Variants in BRINP1 observed in about 807,000 individuals in gnomAD.
BRINP1 encodes the protein BMP/retinoic acid-inducible neural-specific protein 1.
BRINP1 carries 17 observed loss-of-function variants against 72.9 expected under a neutral mutation model. The observed-to-expected ratio is 0.23, with a 90% CI of 0.16 to 0.35. The LOEUF (loss-of-function observed/expected upper bound fraction) is 0.35, where lower values mean the gene tolerates loss of function less well. Among genes scored for constraint, BRINP1 ranks in the 10% least tolerant of loss-of-function variants. The pLI, the probability that BRINP1 is intolerant of heterozygous loss-of-function variation, is 1.00. For missense variants in BRINP1, 850 were observed against 1,001.6 expected, an observed-to-expected ratio of 0.85 and a Z score of 2.04; for synonymous variants, 418 against 378.5, an observed-to-expected ratio of 1.10 and a Z score of -1.21.
chr9:119,320,992 G>A (rs1485909834), intron 1 of BRINP1, among the ~76,000 whole-genome samples: 4 of 151,694 alleles, frequency 2.6e-5, no homozygotes, highest in Non-Finnish European at 5.9e-5. Context: ...GTGCAGTGGC[G>A]CTATCTCGGC....
intron 2 of BRINP1, among the ~76,000 whole-genome samples, chr9:119,287,465 A>ATGTCTAC (rs1830774167): frequency 6.6e-6 from 1 of 152,200 alleles, no homozygotes; most frequent in Admixed American, 6.5e-5. Flanking sequence ...GTATAATCAC[A>ATGTCTAC]TGTCTACACT....
intron 6 of BRINP1, among the ~76,000 whole-genome samples, chr9:119,210,749 T>A (rs2118873502): frequency 6.6e-6 from 1 of 152,232 alleles, no homozygotes; most frequent in Middle Eastern, 3.4e-3. Context: ...AGAGTTGGAG[T>A]CACATCTTGA....
At chr9:119,352,627 C>G (rs1331464204) in intron 1 of BRINP1, among the ~76,000 whole-genome samples, 1 of 152,128 alleles carries the variant, frequency 6.6e-6, no homozygotes, top group African/African-American at 2.4e-5. Flanking sequence ...AGGCTGATCT[C>G]GAACTCCTGA....
chr9:119,360,843 TGTTCACA>T (rs1384261157), intron 1 of BRINP1, among the ~76,000 whole-genome samples: 56 of 152,332 alleles, frequency 3.7e-4, no homozygotes, highest in African/African-American at 1.3e-3. Flanking sequence ...GGGTTCTAGC[TGTTCACA>T]TAGGCCATTT....
chr9:119,358,977 C>CT (rs1165990478), intron 1 of BRINP1, among the ~76,000 whole-genome samples: 1 of 152,134 alleles, frequency 6.6e-6, no homozygotes, highest in Non-Finnish European at 1.5e-5. Flanking sequence ...AAGGCAGTGC[C>CT]TTGAACCTAA....
chr9:119,337,762 A>G (rs942451973), intron 1 of BRINP1, among the ~76,000 whole-genome samples: 11 of 152,254 alleles, frequency 7.2e-5, no homozygotes, highest in African/African-American at 2.4e-5. Flanking sequence ...ACTTAGTTCA[A>G]GTTCCACCTA....
At chr9:119,180,362 T>C (rs985163649) in intron 7 of BRINP1, among the ~76,000 whole-genome samples, 12 of 152,348 alleles carry the variant, frequency 7.9e-5, no homozygotes, top group African/African-American at 2.9e-4. Flanking sequence ...ATTCTGTGAC[T>C]CCACAAAATG....
At chr9:119,226,318 A>G (rs1377569005) in intron 5 of BRINP1, among the ~76,000 whole-genome samples, 1 of 152,072 alleles carries the variant, frequency 6.6e-6, no homozygotes, top group Non-Finnish European at 1.5e-5. Context: ...TTTCTGCACA[A>G]TCAATGAGAT....
chr9:119,178,102 C>T (rs1190700352), intron 7 of BRINP1, among the ~76,000 whole-genome samples: 3 of 152,050 alleles, frequency 2.0e-5, no homozygotes, highest in Non-Finnish European at 4.4e-5. Context: ...AGACCCTGGA[C>T]AGGGAGGATG....
At chr9:119,169,691 CAA>C (rs1287531203) in intron 7 of BRINP1, among the ~76,000 whole-genome samples, 1 of 152,212 alleles carries the variant, frequency 6.6e-6, no homozygotes, top group East Asian at 1.9e-4. Flanking sequence ...CACAGACAAA[CAA>C]AAAGACAGCA....
intron 2 of BRINP1, among the ~76,000 whole-genome samples, chr9:119,299,834 G>A (rs1038154272): frequency 6.6e-6 from 1 of 152,120 alleles, no homozygotes; most frequent in East Asian, 1.9e-4. Context: ...CTTGGCTATT[G>A]CGAAAAATAT....
chr9:119,220,002 G>A (rs576383093), intron 5 of BRINP1, among the ~76,000 whole-genome samples: 1 of 152,046 alleles, frequency 6.6e-6, no homozygotes, highest in South Asian at 2.1e-4. Context: ...TCTGACTAAG[G>A]TTCGTCTTCT....
In BRINP1 at chr9:119,167,624, A is replaced by G. The variant is rs1204889133; in HGVS notation, c.1746T>C (p.Phe582=). The change falls in exon 8 of 8, where the codon TTT becomes TTC. Residue 582 remains phenylalanine (F), a synonymous_variant. Coordinates refer to ENST00000265922, the MANE Select transcript of BRINP1 (RefSeq NM_014618.3). This position sits in a 1 kb window ranked among gnomAD's most constrained non-coding sequence, Gnocchi z 4.3. ...SEGWNMPFGE[F]GYPRWEKIRL... The stretch of plus-strand genomic sequence containing the variant: ...GGATCTTCTCCCAGCGTGGGTAGCC[A>G]AATTCCCCGAAGGGCATGTTCCAGC... 1 of 1,614,058 alleles carries G rather than the reference A, an allele frequency of 6.2e-7. No individual in the cohort carries two copies. The highest frequency in any genetic ancestry group is 1.7e-5 in the Admixed American group (1 of 60,022).
At chr9:119,261,042 T>C (rs1830490186) in intron 2 of BRINP1, among the ~76,000 whole-genome samples, 1 of 152,088 alleles carries the variant, frequency 6.6e-6, no homozygotes, top group African/African-American at 2.4e-5. Flanking sequence ...CTCAATACTC[T>C]CAAAATTACA....
chr9:119,250,324 T>C (rs1254396951), intron 2 of BRINP1, among the ~76,000 whole-genome samples: 2 of 152,188 alleles, frequency 1.3e-5, no homozygotes, highest in East Asian at 1.9e-4. Context: ...TTAAGCTATG[T>C]TCCAAAGACC....
rs1831720528 is a variant in BRINP1, at chr9:119,368,637, A to G, written c.-51+419T>C. The stretch of plus-strand genomic sequence containing the variant: ...AGGGCACACATACAAACACATACGT[A>G]CAAACATGCACACACACATCGCGCC... On this transcript the variant is annotated intron_variant, in intron 1 of 7. Transcript: ENST00000265922. This position sits in a 1 kb window ranked among gnomAD's most constrained non-coding sequence, Gnocchi z 4.7. Among the ~76,000 whole-genome samples the G allele has an allele frequency of 6.6e-6, 1 of 152,120 alleles. No individual in the cohort carries two copies. Among genetic ancestry groups the G allele is most frequent in the Non-Finnish European group, 1.5e-5 (1 of 68,026 alleles).
chr9:119,356,804 C>A (rs200732762), intron 1 of BRINP1, among the ~76,000 whole-genome samples: 522 of 114,548 alleles, frequency 4.6e-3, no homozygotes, highest in East Asian at 7.1e-3. Flanking sequence ...GGCTCCGTCT[C>A]AAAAAAAAAA....
intron 2 of BRINP1, among the ~76,000 whole-genome samples, chr9:119,259,872 G>A: frequency 6.6e-6 from 1 of 152,152 alleles, no homozygotes; most frequent in Non-Finnish European, 1.5e-5. Flanking sequence ...CTGCCACAGT[G>A]CTTTGTTTAA....
At chr9:119,228,738 G>T (rs138407922) in intron 5 of BRINP1, among the ~76,000 whole-genome samples, 2 of 152,016 alleles carry the variant, frequency 1.3e-5, no homozygotes, top group Non-Finnish European at 2.9e-5. Context: ...GCGTGATTGC[G>T]CGTGTTGGTT....
Sources: allele counts gnomAD v4.1 joint callset (sites outside exome capture counted in the v4.1 genomes callset), GRCh38; gene constraint gnomAD v4.1.1; non-coding constraint Gnocchi (gnomAD v3.1); transcripts MANE v1.5; gene names NCBI Gene and HGNC (gene_info 2026-07-23, HGNC 2026-07-21).